AMMECR1: variants seen among roughly 807,000 people sequenced by gnomAD.
AMMECR1 encodes AMMECR nuclear protein 1.
AMMECR1 carries 3 observed loss-of-function variants against 22.5 expected under a neutral mutation model. The observed-to-expected ratio is 0.13, with a 90% CI of 0.06 to 0.35. The LOEUF (loss-of-function observed/expected upper bound fraction) is 0.35, where lower values mean the gene tolerates loss of function less well. Ranked by LOEUF, AMMECR1 falls within the 10% of genes least tolerant of loss-of-function variation. The probability of loss-of-function intolerance (pLI) is 1.00; values close to 1 mark genes in which losing one functional copy is unlikely to be tolerated. For missense variants in AMMECR1, 235 were observed against 278.7 expected, an observed-to-expected ratio of 0.84 and a Z score of 1.12; for synonymous variants, 130 against 116.7, an observed-to-expected ratio of 1.11 and a Z score of -0.74.
intron 2 of AMMECR1, among the ~76,000 whole-genome samples, chrX:110,246,139 G>A (rs1417372217): frequency 5.4e-5 from 6 of 111,394 alleles, no homozygotes; most frequent in African/African-American, 2.0e-4. Flanking sequence ...TCTTCCATGG[G>A]AGCACATCTT....
intron 2 of AMMECR1, among the ~76,000 whole-genome samples, chrX:110,413,761 T>C (rs1460038640): frequency 1.8e-5 from 2 of 110,808 alleles, no homozygotes; most frequent in Admixed American, 9.6e-5. Context: ...GCCCCCTCCA[T>C]CCATTTCTTC....
chrX:110,405,382 C>A (rs993656521), intron 2 of AMMECR1, among the ~76,000 whole-genome samples: 1 of 111,198 alleles, frequency 9.0e-6, no homozygotes, highest in African/African-American at 3.3e-5. Flanking sequence ...AGCGTAAAAG[C>A]CAAATTAACC....
intron 4 of AMMECR1, among the ~76,000 whole-genome samples, chrX:110,201,354 C>T (rs2067396103): frequency 2.7e-5 from 3 of 111,794 alleles, no homozygotes; most frequent in African/African-American, 9.7e-5. Flanking sequence ...TGTAACAAAC[C>T]ATATCTGTTG....
At chrX:110,255,948 T>C (rs2067709075) in intron 2 of AMMECR1, among the ~76,000 whole-genome samples, 1 of 112,288 alleles carries the variant, frequency 8.9e-6, no homozygotes, top group Admixed American at 9.4e-5. Context: ...TTAAATATAC[T>C]GAAAAGTACA....
At chrX:110,353,523 T>C (rs1489362609) in intron 2 of AMMECR1, among the ~76,000 whole-genome samples, 2 of 111,842 alleles carry the variant, frequency 1.8e-5, no homozygotes, top group African/African-American at 6.5e-5. Flanking sequence ...TTCTTGTTTA[T>C]CTCAAGATAT....
At chrX:110,306,481 G>A (rs971450203) in intron 1 of AMMECR1, among the ~76,000 whole-genome samples, 1 of 109,603 alleles carries the variant, frequency 9.1e-6, no homozygotes. Context: ...TTTTTGAGAC[G>A]GAGTTTCAGT....
intron 1 of AMMECR1, 55 bp downstream of exon 1, chrX:110,317,544 C>G: frequency 9.0e-7 from 1 of 1,111,734 alleles, no homozygotes; most frequent in Non-Finnish European, 1.2e-6. Context: ...TTTGCCTCAA[C>G]TCTGAGCCCC....
chrX:110,292,812 T>C (rs2067915738), intron 1 of AMMECR1, among the ~76,000 whole-genome samples: 1 of 112,083 alleles, frequency 8.9e-6, no homozygotes, highest in Admixed American at 9.5e-5. Context: ...GAATGTACAA[T>C]ACCAAAAGTG....
chrX:110,381,622 T>C (rs1167273740), intron 2 of AMMECR1, among the ~76,000 whole-genome samples: 1 of 111,813 alleles, frequency 8.9e-6, no homozygotes, highest in Non-Finnish European at 1.9e-5. Context: ...CACCTGCACT[T>C]GTATGTTCAT....
chrX:110,228,726 G>A (rs1479210722), intron 2 of AMMECR1, among the ~76,000 whole-genome samples: 2 of 110,881 alleles, frequency 1.8e-5, no homozygotes, highest in African/African-American at 6.6e-5. Flanking sequence ...CTATGTGTGT[G>A]TGGAGAATGC....
intron 2 of AMMECR1, among the ~76,000 whole-genome samples, chrX:110,411,127 G>A (rs1169399540): frequency 8.9e-6 from 1 of 111,886 alleles, no homozygotes; most frequent in East Asian, 2.8e-4. Context: ...GAAGTCAGGG[G>A]GCCTATTGGA....
chrX:110,219,707 C>A, intron 2 of AMMECR1: 1 of 474,588 alleles, frequency 2.1e-6, no homozygotes, highest in Non-Finnish European at 2.6e-6. Context: ...CTCACCATGT[C>A]AAGATTCAAA....
chrX:110,363,368 G>C (rs964976266), intron 2 of AMMECR1, among the ~76,000 whole-genome samples: 4 of 111,829 alleles, frequency 3.6e-5, no homozygotes, highest in Non-Finnish European at 5.6e-5. Flanking sequence ...CATTCTCAGG[G>C]GCTTAAGCTG....
chrX:110,271,125 T>A (rs2067796161), intron 1 of AMMECR1, among the ~76,000 whole-genome samples: 1 of 111,672 alleles, frequency 9.0e-6, no homozygotes, highest in Admixed American at 9.5e-5. Context: ...AAGTCACCAC[T>A]GTATCCTTAT....
At position 110,312,356 on chromosome X, in the gene AMMECR1, T is replaced by G. The variant is rs890212191; in HGVS notation, c.473+5243A>C. Among the ~76,000 whole-genome samples the G allele has an allele frequency of 5.3e-5, 6 of 112,558 alleles. No individual in the cohort carries two copies. The South Asian group carries it at 2.2e-3, about 41-fold the overall frequency. On this transcript the variant is annotated intron_variant, in intron 1 of 5. Coordinates refer to ENST00000262844, the MANE Select transcript of AMMECR1 (RefSeq NM_015365.3). The stretch of plus-strand genomic sequence containing the variant: ...AGCATGTGCCTGAGAAATACATACT[T>G]AGAAAAACAACTCATGCATGGGTTA...
At chrX:110,199,515 T>C (rs777121701) in intron 5 of AMMECR1, among the ~76,000 whole-genome samples, 35 of 111,030 alleles carry the variant, frequency 3.2e-4, no homozygotes, top group Non-Finnish European at 6.0e-4. Context: ...TATATAGATA[T>C]CCTAAGAAGC....
At chrX:110,301,631 T>C (rs1246484052) in intron 1 of AMMECR1, among the ~76,000 whole-genome samples, 1 of 111,537 alleles carries the variant, frequency 9.0e-6, no homozygotes, top group Non-Finnish European at 1.9e-5. Flanking sequence ...CAAGGATAGA[T>C]TTCAGGGGTG....
At chrX:110,308,056 T>G (rs2068006948) in intron 1 of AMMECR1, among the ~76,000 whole-genome samples, 1 of 107,629 alleles carries the variant, frequency 9.3e-6, no homozygotes, top group Admixed American at 9.9e-5. Flanking sequence ...ATATATAATT[T>G]GTAGAGATGG....
intron 2 of AMMECR1, among the ~76,000 whole-genome samples, chrX:110,262,855 G>C (rs776599902): frequency 6.3e-5 from 7 of 111,440 alleles, no homozygotes; most frequent in Non-Finnish European, 1.3e-4. Flanking sequence ...TCAGACTTTG[G>C]GGTGGGAGGA....
Sources: allele counts gnomAD v4.1 joint callset (sites outside exome capture counted in the v4.1 genomes callset), GRCh38; gene constraint gnomAD v4.1.1; transcripts MANE v1.5; gene names NCBI Gene and HGNC (gene_info 2026-07-23, HGNC 2026-07-21).